ZNF19: variants seen among roughly 807,000 people sequenced by gnomAD.
ZNF19 encodes the protein zinc finger protein 19.
Under a neutral mutation model 13.1 loss-of-function variants are expected in ZNF19, and 11 were observed. The ratio of observed to expected loss-of-function variants is 0.84; its 90% CI spans 0.53 to 1.39. The LOEUF (loss-of-function observed/expected upper bound fraction) is 1.39. Ranked by LOEUF, ZNF19 falls within the 40% of genes most tolerant of loss-of-function variation. The pLI, the probability that ZNF19 is intolerant of heterozygous loss-of-function variation, is 0.00. For synonymous variants in ZNF19, 186 were observed against 187.0 expected (o/e 0.99, Z 0.04); for missense variants, 560 against 547.0 (o/e 1.02, Z -0.24).
chr16:71,475,133 A>G lies in ZNF19; in HGVS notation c.*37T>C. 6.6e-7 allele frequency: 1 copy of G among 1,518,964 alleles called. No homozygotes were observed. Among genetic ancestry groups the G allele is most frequent in the Non-Finnish European group, 8.8e-7 (1 of 1,131,138 alleles). The allele number at this position is 1,518,964 out of a possible 1,614,324, so 94.1% of individuals were successfully genotyped here. ...CACACATTCCATTCCTGAGTAGAAGACGGAATCCACTCAGTACATTTCACT... is the reference window on the plus strand; with the variant it reads ...CACACATTCCATTCCTGAGTAGAAGGCGGAATCCACTCAGTACATTTCACT... On this transcript the variant is annotated 3_prime_UTR_variant, in exon 6 of 6. Transcript: ENST00000288177.
Position 71,484,584 on chromosome 16 carries a change from C to G in ZNF19, c.-30+5G>C. 2.0e-6 allele frequency: 2 copies of G among 985,482 alleles called. No homozygotes were observed. The highest frequency in any genetic ancestry group is 2.4e-6 in the Non-Finnish European group (2 of 829,968). The allele number at this position is 985,482 out of a possible 1,614,324, so 61.0% of individuals were successfully genotyped here. ...GACTCCTAGGCGACAAACCCCAACACTCACCTCAGGAAAAACAGAAAGCGG... is the reference window on the plus strand; with the variant it reads ...GACTCCTAGGCGACAAACCCCAACAGTCACCTCAGGAAAAACAGAAAGCGG... On this transcript the variant is annotated splice_donor_5th_base_variant and intron_variant, in intron 2 of 5. Transcript: ENST00000288177.
At chr16:71,485,712 A>T (rs1003360982) in intron 1 of ZNF19, among the ~76,000 whole-genome samples, 2 of 152,136 alleles carry the variant, frequency 1.3e-5, no homozygotes, top group Non-Finnish European at 2.9e-5. Context: ...TTAGTTTCAA[A>T]AATACTGAAC....
intron 1 of ZNF19, chr16:71,486,966 C>T (rs2043682936): frequency 6.6e-6 from 1 of 152,078 alleles, no homozygotes. Flanking sequence ...TTGGGAATAA[C>T]TTATTTTTGT....
Position 71,475,480 on chromosome 16 carries a change from G to C in ZNF19, c.1067C>G (p.Pro356Arg), listed in dbSNP as rs1443412027. Residue 356 changes from proline to arginine, a missense_variant, in exon 6 of 6, where the codon CCC becomes CGC. Pro to Arg is a moderately radical substitution (Grantham distance 103). Coordinates refer to ENST00000288177, the MANE Select transcript of ZNF19 (RefSeq NM_006961.4). ...TTTTCCACAATCTACACAGTCAAAG[G>C]GTTTCTCCTCACTGTGAATTCTCTG... ...RHQRIHSEEK[P>R]FDCVDCGKAF... is the part of the protein sequence containing the mutation. 2 of 1,614,148 alleles carry C rather than the reference G, an allele frequency of 1.2e-6. No individual in the cohort carries two copies. Among genetic ancestry groups the C allele is most frequent in the Admixed American group, 1.7e-5 (1 of 60,014 alleles).
intron 1 of ZNF19, among the ~76,000 whole-genome samples, chr16:71,488,516 A>C (rs2043696773): frequency 6.6e-6 from 1 of 152,090 alleles, no homozygotes; most frequent in Admixed American, 6.6e-5. Flanking sequence ...AAGTGAGTTC[A>C]GACTGGTCAC....
chr16:71,479,383 T>G (rs2043623188), intron 3 of ZNF19, among the ~76,000 whole-genome samples: 1 of 152,218 alleles, frequency 6.6e-6, no homozygotes, highest in Non-Finnish European at 1.5e-5. Context: ...AAATGGTATC[T>G]CAGGACCCAC....
rs1406882802 is a variant in ZNF19 at position 71,474,898 on chromosome 16, T to C, written c.*272A>G. ...CTGCTCTCCAATTCTCAGATGCATT[T>C]TTGCTGTGTGGACTTCATTCTCACC... On this transcript the variant is annotated 3_prime_UTR_variant, in exon 6 of 6. Coordinates refer to ENST00000288177, the MANE Select transcript of ZNF19 (RefSeq NM_006961.4). 4.9e-6 allele frequency: 2 copies of C among 405,162 alleles called. No individual in the cohort carries two copies. The highest frequency in any genetic ancestry group is 8.2e-5 in the East Asian group (2 of 24,374). The allele number at this position is 405,162 out of a possible 1,614,324, so 25.1% of individuals were successfully genotyped here. A position where few individuals can be genotyped will look rare whatever the true frequency, so the allele number is the denominator to read the frequency against.
chr16:71,477,135 A>G (rs953282125), intron 5 of ZNF19, among the ~76,000 whole-genome samples: 4 of 152,210 alleles, frequency 2.6e-5, no homozygotes, highest in African/African-American at 9.6e-5. Flanking sequence ...TGGTTTTAAC[A>G]TTAATGTGGG....
intron 1 of ZNF19, chr16:71,489,030 A>G (rs1013969775): frequency 6.2e-6 from 1 of 160,508 alleles, no homozygotes; most frequent in Non-Finnish European, 1.3e-5. Flanking sequence ...CCATCTGCAG[A>G]CACTTCTGTC....
chr16:71,488,522 G>C (rs993029429), intron 1 of ZNF19, among the ~76,000 whole-genome samples: 1 of 152,118 alleles, frequency 6.6e-6, no homozygotes, highest in African/African-American at 2.4e-5. Context: ...GTTCAGACTG[G>C]TCACAGTGGC....
In ZNF19 at chr16:71,475,893, C is replaced by T; in HGVS notation, c.654G>A (p.Gln218=). ...QRIHTGERPY[Q]CEECGRAFND... is the part of the protein sequence containing the mutation. ...TAAAGGCTCGCCCACACTCCTCACA[C>T]TGATAGGGTCTCTCTCCAGTGTGAA... Residue 218 remains glutamine (Q), a synonymous_variant, in exon 6 of 6, where the codon CAG becomes CAA. Transcript: ENST00000288177. 6.2e-7 allele frequency: 1 copy of T among 1,613,568 alleles called. No homozygotes were observed. The highest frequency in any genetic ancestry group is 8.5e-7 in the Non-Finnish European group (1 of 1,179,818).
At chr16:71,479,204 A>G in intron 3 of ZNF19, 199 bp from the exon 4 acceptor site, 2 of 611,930 alleles carry the variant, frequency 3.3e-6, no homozygotes, top group Non-Finnish European at 2.8e-6. Context: ...CTACCAGAAG[A>G]GATTCCATTA....
At chr16:71,480,901 G>A (rs1043124861) in intron 3 of ZNF19, among the ~76,000 whole-genome samples, 8 of 152,208 alleles carry the variant, frequency 5.3e-5, no homozygotes, top group African/African-American at 1.7e-4. Flanking sequence ...TGGATTGGAG[G>A]ATAAAATCCA....
In ZNF19 at chr16:71,484,606, G is replaced by C. The variant is rs2043662696; in HGVS notation, c.-47C>G. 1 of 985,356 alleles carries C rather than the reference G, an allele frequency of 1.0e-6. No homozygotes were observed. The highest frequency in any genetic ancestry group is 1.7e-5 in the African/African-American group (1 of 57,254). 61.0% of individuals were successfully genotyped at this position (985,356 alleles called of 1,614,324 possible). A position where few individuals can be genotyped will look rare whatever the true frequency, so the allele number is the denominator to read the frequency against. The stretch of plus-strand genomic sequence containing the variant: ...ACACTCACCTCAGGAAAAACAGAAA[G>C]CGGTGCGTGAACGGAAGTGCGTCAC... On this transcript the variant is annotated 5_prime_UTR_variant, in exon 2 of 6. Coordinates refer to ENST00000288177, the MANE Select transcript of ZNF19 (RefSeq NM_006961.4).
At chr16:71,481,947 C>T (rs2043639478) in intron 3 of ZNF19, 135 bp downstream of exon 3, 1 of 899,320 alleles carries the variant, frequency 1.1e-6, no homozygotes, top group Non-Finnish European at 1.8e-6. Context: ...TTCCCCAGCA[C>T]CCAGTCCTAC....
At chr16:71,481,010 G>C (rs1390432785) in intron 3 of ZNF19, among the ~76,000 whole-genome samples, 1 of 152,214 alleles carries the variant, frequency 6.6e-6, no homozygotes, top group Non-Finnish European at 1.5e-5. Flanking sequence ...CAAAATTCCA[G>C]AGAAGGAACA....
chr16:71,475,384 T>C lies in ZNF19; in HGVS notation c.1163A>G (p.Asp388Gly). Residue 388 changes from aspartate to glycine, a missense_variant, in exon 6 of 6, where the codon GAT (aspartate) becomes GGT (glycine). Transcript: ENST00000288177. ...IHTQESSYVC[D>G]ECGKALTSKR... ...GCTAGTCAAGGCTTTTCCACACTCATCACATACATAGGAAGACTCCTGAGT... is the reference window on the plus strand; with the variant it reads ...GCTAGTCAAGGCTTTTCCACACTCACCACATACATAGGAAGACTCCTGAGT... 6.2e-7 allele frequency: 1 copy of C among 1,613,996 alleles called. No homozygotes were observed. The highest frequency in any genetic ancestry group is 8.5e-7 in the Non-Finnish European group (1 of 1,179,984).
intron 2 of ZNF19, among the ~76,000 whole-genome samples, chr16:71,483,844 A>G (rs1161293893): frequency 6.6e-6 from 1 of 152,234 alleles, no homozygotes; most frequent in Non-Finnish European, 1.5e-5. Flanking sequence ...AGTCTAAAGG[A>G]AAGACACATT....
intron 1 of ZNF19, among the ~76,000 whole-genome samples, chr16:71,485,661 TGAA>T (rs2043673287): frequency 6.6e-6 from 1 of 151,474 alleles, no homozygotes; most frequent in South Asian, 2.1e-4. Context: ...GATCAGGAAT[TGAA>T]GAAGAGGAGC....
Sources: gnomAD v4.1 joint callset for allele counts (sites outside exome capture counted in the v4.1 genomes callset) on GRCh38, gnomAD v4.1.1 for gene constraint, MANE v1.5 for transcripts, NCBI Gene and HGNC (gene_info 2026-07-23, HGNC 2026-07-21) for gene names.